C19orf81: variants seen among roughly 807,000 people sequenced by gnomAD.
C19orf81 encodes the protein chromosome 19 open reading frame 81.
In C19orf81, 19 loss-of-function variants were observed where a neutral mutation model predicts 22.1. That is an observed-to-expected ratio of 0.86 (90% CI 0.60 to 1.26). The LOEUF (loss-of-function observed/expected upper bound fraction) is 1.26. C19orf81 is among the 50% of genes most tolerant of loss of function. The pLI is 0.00. For missense variants in C19orf81, 287 were observed against 280.7 expected (o/e 1.02, Z -0.16); for synonymous variants, 108 against 113.1 (o/e 0.95, Z 0.29).
chr19:50,650,201 G>C (rs1984847587), intron 1 of C19orf81, among the ~76,000 whole-genome samples: 1 of 152,200 alleles, frequency 6.6e-6, no homozygotes. Flanking sequence ...GAGACCCAAA[G>C]CTCCAGCCTG....
In C19orf81 at chr19:50,659,279, T is replaced by A; in HGVS notation, c.*137T>A. On this transcript the variant is annotated 3_prime_UTR_variant, in exon 5 of 5. Transcript: ENST00000425202. The stretch of plus-strand genomic sequence containing the variant: ...CTCGAGGGGGTGGATACTGTGAGTT[T>A]AATTATAAAGAATGACCTGGTACAA... The A allele has an allele frequency of 3.0e-6, 2 of 664,548 alleles. No individual in the cohort carries two copies. Among genetic ancestry groups the A allele is most frequent in the Non-Finnish European group, 4.3e-6 (2 of 466,726 alleles). The allele number at this position is 664,548 out of a possible 1,614,324, so 41.2% of individuals were successfully genotyped here.
chr19:50,657,024 G>A (rs1239565386), intron 3 of C19orf81, among the ~76,000 whole-genome samples: 1 of 151,508 alleles, frequency 6.6e-6, no homozygotes, highest in Admixed American at 6.6e-5. Context: ...GGAAAGGAAG[G>A]AAGGGAGGGA....
chr19:50,658,708 G>A (rs964081843), intron 4 of C19orf81: 5 of 404,132 alleles, frequency 1.2e-5, no homozygotes, highest in Non-Finnish European at 2.2e-5. Context: ...CCTTTGGGCG[G>A]TTTGAGATGG....
At chr19:50,652,993 C>T (rs546080272) in intron 1 of C19orf81, among the ~76,000 whole-genome samples, 7 of 152,262 alleles carry the variant, frequency 4.6e-5, no homozygotes, top group South Asian at 4.1e-4. Context: ...AACACTACCT[C>T]GGAAGGTTGT....
intron 1 of C19orf81, among the ~76,000 whole-genome samples, chr19:50,650,893 T>G (rs1041224979): frequency 6.6e-6 from 1 of 152,236 alleles, no homozygotes; most frequent in Non-Finnish European, 1.5e-5. Flanking sequence ...TAGCCTAGAC[T>G]GAGGCACCCA....
chr19:50,657,245 G>A (rs1253298414), intron 3 of C19orf81, among the ~76,000 whole-genome samples: 1 of 152,148 alleles, frequency 6.6e-6, no homozygotes, highest in African/African-American at 2.4e-5. Context: ...AGGGATTGCT[G>A]TCCTCGTTTT....
rs1473374701 is a variant in C19orf81, at chr19:50,656,038, C to A, written c.68-12C>A. 2 of 1,535,892 alleles carry A rather than the reference C, an allele frequency of 1.3e-6. No homozygotes were observed. The highest frequency in any genetic ancestry group is 1.7e-6 in the Non-Finnish European group (2 of 1,146,820). ...GGCTCAGGGCAGCTGACACTGGGTTCTCTGTCCTCAGGAGCCCTCCTTATG... is the reference window on the plus strand; with the variant it reads ...GGCTCAGGGCAGCTGACACTGGGTTATCTGTCCTCAGGAGCCCTCCTTATG... On this transcript the variant is annotated splice_polypyrimidine_tract_variant and intron_variant, in intron 1 of 4. Coordinates refer to ENST00000425202, the MANE Select transcript of C19orf81 (RefSeq NM_001195076.2).
chr19:50,649,782 G>T, intron 1 of C19orf81: 1 of 580,640 alleles, frequency 1.7e-6, no homozygotes, highest in East Asian at 3.8e-5. Context: ...CACCTCTGAG[G>T]CCATTCTTCT....
intron 4 of C19orf81, chr19:50,658,724 CGACA>C (rs1032718435): frequency 1.2e-5 from 5 of 418,526 alleles, no homozygotes; most frequent in African/African-American, 6.2e-5. Flanking sequence ...GATGGAGCCT[CGACA>C]GACAGTGATT....
At chr19:50,654,914 C>T (rs966385832) in intron 1 of C19orf81, among the ~76,000 whole-genome samples, 1 of 152,132 alleles carries the variant, frequency 6.6e-6, no homozygotes, top group Non-Finnish European at 1.5e-5. Flanking sequence ...GACATCTTGG[C>T]TTGGTGAGAA....
intron 1 of C19orf81, 155 bp downstream of exon 1, chr19:50,649,666 G>T (rs1174252583): frequency 2.3e-6 from 2 of 858,670 alleles, no homozygotes; most frequent in African/African-American, 3.3e-5. Flanking sequence ...CCTGGAGAGC[G>T]GCCCCCTTGG....
intron 3 of C19orf81, among the ~76,000 whole-genome samples, chr19:50,657,786 G>A (rs1985028567): frequency 6.6e-6 from 1 of 152,232 alleles, no homozygotes; most frequent in Non-Finnish European, 1.5e-5. Flanking sequence ...TAGAGTGATA[G>A]TAGATGCTTT....
In C19orf81 at chr19:50,649,530, G is replaced by C. The variant is rs1416789119; in HGVS notation, c.67+19G>C. On this transcript the variant is annotated intron_variant, in intron 1 of 4. Coordinates refer to ENST00000425202, the MANE Select transcript of C19orf81 (RefSeq NM_001195076.2). The stretch of plus-strand genomic sequence containing the variant: ...AAGGCAGGTACTGAGCTGTGTCTTT[G>C]GGGGAAGGGGTGGACTTCCTCCATC... The C allele has an allele frequency of 2.0e-6, 3 of 1,535,850 alleles. No individual in the cohort carries two copies. Among genetic ancestry groups the C allele is most frequent in the Non-Finnish European group, 2.6e-6 (3 of 1,146,726 alleles).
At chr19:50,649,543 G>T (rs1984834911) in intron 1 of C19orf81, 32 bp downstream of exon 1, 1 of 1,531,820 alleles carries the variant, frequency 6.5e-7, no homozygotes, top group Non-Finnish European at 8.7e-7. Context: ...GGAAGGGGTG[G>T]ACTTCCTCCA....
Position 50,658,086 on chromosome 19 carries a change from A to C in C19orf81, c.359A>C (p.Glu120Ala). The change falls in exon 4 of 5, where the codon GAG becomes GCG. Residue 120 changes from glutamate to alanine, a missense_variant. Coordinates refer to ENST00000425202, the MANE Select transcript of C19orf81 (RefSeq NM_001195076.2). ...GGGCGCGTGAGCAGCATCCGCTTTG[A>C]GAACATGAACGTCATCTGTGGGACT... ...ESGRVSSIRFENMNVICGTAG... is the reference protein window; with the variant it reads ...ESGRVSSIRFANMNVICGTAG... The C allele has an allele frequency of 1.3e-6, 2 of 1,535,920 alleles. No homozygotes were observed. Among genetic ancestry groups the C allele is most frequent in the Non-Finnish European group, 1.7e-6 (2 of 1,146,828 alleles).
intron 1 of C19orf81, chr19:50,649,819 C>G (rs910543253): frequency 3.9e-6 from 2 of 515,316 alleles, no homozygotes; most frequent in Non-Finnish European, 7.5e-6. Context: ...GTCTTGTCTC[C>G]CACCCTGAGC....
At chr19:50,658,515 T>G in intron 4 of C19orf81, 1 of 253,968 alleles carries the variant, frequency 3.9e-6, no homozygotes, top group Non-Finnish European at 7.6e-6. Context: ...CTCGAGTGAG[T>G]AGGGGCCCGA....
At position 50,656,090 on chromosome 19, in the gene C19orf81, G is replaced by C. The variant is rs1436530363; in HGVS notation, c.108G>C (p.Gln36His). The C allele has an allele frequency of 1.3e-6, 2 of 1,536,174 alleles. No homozygotes were observed. The part of the protein sequence containing the change: ...LMDLETPEEM[Q>H]ARSLGRPIKS... ...ACCTGGAGACCCCAGAGGAGATGCAGGCTCGGAGCCTGGGCAGGCCCATCA... is the reference window on the plus strand; with the variant it reads ...ACCTGGAGACCCCAGAGGAGATGCACGCTCGGAGCCTGGGCAGGCCCATCA... The change falls in exon 2 of 5, where the codon CAG (glutamine) becomes CAC (histidine). Residue 36 changes from glutamine (Q) to histidine (H), a missense_variant. By Grantham distance (24) the Gln-to-His change is conservative. Transcript: ENST00000425202.
At position 50,655,982 on chromosome 19, in the gene C19orf81, T is replaced by A. The variant is rs991128375; in HGVS notation, c.68-68T>A. ...TGTGGCATGGGCAAGCAATTGGTGA[T>A]GGCCATTTAAGCAGAATCATGGCTG... On this transcript the variant is annotated intron_variant, in intron 1 of 4. Coordinates refer to ENST00000425202, the MANE Select transcript of C19orf81 (RefSeq NM_001195076.2). 2.1e-6 allele frequency: 3 copies of A among 1,440,212 alleles called. No individual in the cohort carries two copies. In the African/African-American group the frequency reaches 4.2e-5, roughly 20 times the overall value. 89.2% of individuals were successfully genotyped at this position (1,440,212 alleles called of 1,614,324 possible).
Sources: gnomAD v4.1 joint callset for allele counts (sites outside exome capture counted in the v4.1 genomes callset) on GRCh38, gnomAD v4.1.1 for gene constraint, MANE v1.5 for transcripts, NCBI Gene and HGNC (gene_info 2026-07-23, HGNC 2026-07-21) for gene names.